Variants in FRYL observed in about 807,000 individuals in gnomAD.
The protein encoded by FRYL is FRY like transcription coactivator.
In FRYL, 150 loss-of-function variants were observed where a neutral mutation model predicts 351.2. That is an observed-to-expected ratio of 0.43 (90% CI 0.37 to 0.49). FRYL has a LOEUF of 0.49. Among genes scored for constraint, FRYL ranks in the 20% least tolerant of loss-of-function variants. The pLI is 0.00. For missense variants in FRYL, 3,036 were observed against 3,619.3 expected, an observed-to-expected ratio of 0.84 and a Z score of 4.13; for synonymous variants, 1,153 against 1,257.1, an observed-to-expected ratio of 0.92 and a Z score of 1.75.
intron 3 of FRYL, among the ~76,000 whole-genome samples, chr4:48,643,876 T>C (rs902613398): frequency 1.3e-5 from 2 of 152,090 alleles, no homozygotes; most frequent in African/African-American, 4.8e-5. Context: ...GACATAGTCA[T>C]AGATGGAAGG....
intron 1 of FRYL, among the ~76,000 whole-genome samples, chr4:48,746,517 C>A (rs1353717780): frequency 6.6e-6 from 1 of 151,470 alleles, no homozygotes; most frequent in Non-Finnish European, 1.5e-5. Context: ...TGCACTCCAG[C>A]CCGGGCGACA....
intron 2 of FRYL, among the ~76,000 whole-genome samples, chr4:48,707,111 A>AAT (rs1767450353): frequency 6.6e-6 from 1 of 152,170 alleles, no homozygotes; most frequent in African/African-American, 2.4e-5. Flanking sequence ...AATAGATAAT[A>AAT]ATATATATAG....
At chr4:48,507,004 C>T (rs1307638513) in intron 59 of FRYL, among the ~76,000 whole-genome samples, 1 of 152,198 alleles carries the variant, frequency 6.6e-6, no homozygotes, top group East Asian at 1.9e-4. Context: ...CAGTTGACAT[C>T]TAACATGGAA....
intron 1 of FRYL, among the ~76,000 whole-genome samples, chr4:48,768,659 C>T (rs1195073240): frequency 6.6e-6 from 1 of 151,890 alleles, no homozygotes; most frequent in Non-Finnish European, 1.5e-5. Context: ...AAAAATTAGC[C>T]GGGTGTGGTG....
In FRYL at chr4:48,586,151, A is replaced by G. The variant is rs147578745; in HGVS notation, c.1748+470T>C. ...TTTACTCATTTTACAGAGCTATGACATGCCTAATAGAAGAGAGAGAAAAAC... is the reference window on the plus strand; with the variant it reads ...TTTACTCATTTTACAGAGCTATGACGTGCCTAATAGAAGAGAGAGAAAAAC... On this transcript the variant is annotated intron_variant, in intron 19 of 63. Coordinates refer to ENST00000358350, the MANE Select transcript of FRYL (RefSeq NM_015030.2). Among the ~76,000 whole-genome samples, 215 of 152,302 alleles carry G rather than the reference A, an allele frequency of 1.4e-3. 1 individual carries two copies. The highest frequency in any genetic ancestry group is 2.7e-3 in the Non-Finnish European group (182 of 68,014).
At chr4:48,620,507 C>T in intron 6 of FRYL, 132 bp downstream of exon 6, 1 of 879,344 alleles carries the variant, frequency 1.1e-6, no homozygotes, top group South Asian at 1.8e-5. Flanking sequence ...TCCCTTACTA[C>T]CATCTTTGTA....
intron 3 of FRYL, among the ~76,000 whole-genome samples, chr4:48,649,849 T>A (rs1162099248): frequency 6.6e-6 from 1 of 152,178 alleles, no homozygotes; most frequent in South Asian, 2.1e-4. Flanking sequence ...AAAAGTAGCA[T>A]TTAACATTAA....
chr4:48,557,350 T>C (rs1734355895), intron 34 of FRYL, 103 bp downstream of exon 34: 9 of 1,429,398 alleles, frequency 6.3e-6, no homozygotes, highest in African/African-American at 1.4e-5. Context: ...GAAAGATATT[T>C]GTTTGGTTAT....
At chr4:48,725,604 T>C (rs1285307989) in intron 1 of FRYL, among the ~76,000 whole-genome samples, 2 of 152,200 alleles carry the variant, frequency 1.3e-5, no homozygotes, top group Non-Finnish European at 2.9e-5. Flanking sequence ...ACCCGGGACA[T>C]GAATTATCCC....
intron 3 of FRYL, among the ~76,000 whole-genome samples, chr4:48,647,672 CAAAA>C (rs1005641158): frequency 6.6e-6 from 1 of 152,046 alleles, no homozygotes; most frequent in African/African-American, 2.4e-5. Context: ...AACAAACAAA[CAAAA>C]AAAAGATACA....
intron 3 of FRYL, among the ~76,000 whole-genome samples, chr4:48,675,175 G>A (rs1268949138): frequency 6.6e-6 from 1 of 152,172 alleles, no homozygotes; most frequent in African/African-American, 2.4e-5. Context: ...GTGACAGCGC[G>A]CTGGCAGTCC....
At chr4:48,648,527 A>C (rs1406690007) in intron 3 of FRYL, among the ~76,000 whole-genome samples, 1 of 152,158 alleles carries the variant, frequency 6.6e-6, no homozygotes, top group Non-Finnish European at 1.5e-5. Context: ...TTAAAATATG[A>C]AGGAGTAGAG....
At chr4:48,540,322 C>A in intron 46 of FRYL, 31 bp downstream of exon 46, 1 of 1,581,562 alleles carries the variant, frequency 6.3e-7, no homozygotes, top group South Asian at 1.2e-5. Context: ...GCATAAAATG[C>A]AAAGTGCTGG....
chr4:48,504,473 C>T (rs763578446), intron 60 of FRYL, among the ~76,000 whole-genome samples: 12 of 152,098 alleles, frequency 7.9e-5, no homozygotes, highest in East Asian at 5.8e-4. Context: ...CATTACTTGC[C>T]GAAGTGATGC....
At chr4:48,709,771 A>G (rs1405765426) in intron 2 of FRYL, among the ~76,000 whole-genome samples, 3 of 152,226 alleles carry the variant, frequency 2.0e-5, no homozygotes, top group South Asian at 2.1e-4. Context: ...AATGATTAGA[A>G]CTAGAGCTAA....
At chr4:48,761,689 G>A (rs1393061920) in intron 1 of FRYL, among the ~76,000 whole-genome samples, 2 of 152,082 alleles carry the variant, frequency 1.3e-5, no homozygotes, top group African/African-American at 2.4e-5. Context: ...GTATCTAGAC[G>A]AGTAAGTATC....
Position 48,564,090 on chromosome 4 carries a change from C to A in FRYL, c.3454G>T (p.Gly1152Cys), listed in dbSNP as rs756891489. The A allele has an allele frequency of 3.1e-6, 5 of 1,613,528 alleles. No individual in the cohort carries two copies. The highest frequency in any genetic ancestry group is 1.3e-5 in the African/African-American group (1 of 74,900). The change falls in exon 31 of 64, where the codon GGC becomes TGC. Residue 1152 changes from glycine to cysteine, a missense_variant. By Grantham distance (159) the Gly-to-Cys change is radical. Around this residue, in one of 7 missense-constraint regions of FRYL, gnomAD observed 1,987 missense variants for 2,311.7 expected, o/e 0.86. Transcript: ENST00000358350. ...DSLDKKVHQL[G>C]CEAVTLLLEL... is the part of the protein sequence containing the mutation. Reference sequence around the variant, plus strand: ...AGTAACAACGTAACTGCTTCACAGCCCAGCTGGTGAACCTAGGTAAAGGTT... The same window carrying A: ...AGTAACAACGTAACTGCTTCACAGCACAGCTGGTGAACCTAGGTAAAGGTT...
chr4:48,714,057 T>C (rs1336038555), intron 1 of FRYL, among the ~76,000 whole-genome samples: 1 of 151,944 alleles, frequency 6.6e-6, no homozygotes, highest in Non-Finnish European at 1.5e-5. Flanking sequence ...GAAATAAAGA[T>C]GTTCTTTGAA....
In FRYL at chr4:48,557,530, A is replaced by G; in HGVS notation, c.4048T>C (p.Trp1350Arg). The change falls in exon 34 of 64, where the codon TGG becomes CGG. Residue 1350 changes from tryptophan to arginine, a missense_variant. Around this residue, in one of 7 missense-constraint regions of FRYL, gnomAD observed 1,987 missense variants for 2,311.7 expected, o/e 0.86. Coordinates refer to ENST00000358350, the MANE Select transcript of FRYL (RefSeq NM_015030.2). ...DRELMVTSRRWLRGEGWGSPQ... is the reference protein window; with the variant it reads ...DRELMVTSRRRLRGEGWGSPQ... ...GATCCCCATCCTTCTCCCCGTAACCAGCGCCTACTAGTCACCATAAGTTCT... is the reference window on the plus strand; with the variant it reads ...GATCCCCATCCTTCTCCCCGTAACCGGCGCCTACTAGTCACCATAAGTTCT... 6.2e-7 allele frequency: 1 copy of G among 1,614,184 alleles called. No individual in the cohort carries two copies. Among genetic ancestry groups the G allele is most frequent in the Non-Finnish European group, 8.5e-7 (1 of 1,180,016 alleles).
Sources: gnomAD v4.1 joint callset for allele counts (sites outside exome capture counted in the v4.1 genomes callset) on GRCh38, gnomAD v4.1.1 for gene constraint, gnomAD v4.1.1 regional missense constraint, MANE v1.5 for transcripts, NCBI Gene and HGNC (gene_info 2026-07-23, HGNC 2026-07-21) for gene names.